Variants in REM1 observed in about 807,000 individuals in gnomAD.
REM1 encodes the protein RRAD and GEM like GTPase 1.
REM1 carries 20 observed loss-of-function variants against 27.0 expected under a neutral mutation model. The ratio of observed to expected loss-of-function variants is 0.74; its 90% CI spans 0.52 to 1.08. REM1 has a LOEUF of 1.08. REM1 is among the 50% of genes least tolerant of loss of function. The pLI is 0.00. For synonymous variants in REM1, 159 were observed against 167.9 expected, an observed-to-expected ratio of 0.95 and a Z score of 0.41; for missense variants, 405 against 407.0, an observed-to-expected ratio of 1.00 and a Z score of 0.04.
At chr20:31,476,930 G>A (rs552317916) in intron 2 of REM1, 145 bp downstream of exon 2, 11 of 682,048 alleles carry the variant, frequency 1.6e-5, no homozygotes, top group South Asian at 1.5e-4. Context: ...TGACATGCAC[G>A]ATGCCCCCCC....
At chr20:31,478,325 C>T (rs1290450923) in intron 3 of REM1, among the ~76,000 whole-genome samples, 1 of 152,088 alleles carries the variant, frequency 6.6e-6, no homozygotes, top group Non-Finnish European at 1.5e-5. Context: ...TCAGTTTTCT[C>T]ATCTGATAAA....
chr20:31,476,658 C>G lies in REM1; in HGVS notation c.213C>G (p.Ser71Arg). The change falls in exon 2 of 5, where the codon AGC becomes AGG. Residue 71 changes from serine to arginine, a missense_variant. Physicochemically the swap from Ser to Arg is moderately radical, Grantham distance 110. Transcript: ENST00000201979. ...PAPDDWSSES[S>R]DSEGSWEALY... ...CAGATGATTGGTCTTCTGAATCCAGCGACTCTGAAGGCTCCTGGGAGGCTC... is the reference window on the plus strand; with the variant it reads ...CAGATGATTGGTCTTCTGAATCCAGGGACTCTGAAGGCTCCTGGGAGGCTC... 6.2e-7 allele frequency: 1 copy of G among 1,614,118 alleles called. No individual in the cohort carries two copies. The highest frequency in any genetic ancestry group is 8.5e-7 in the Non-Finnish European group (1 of 1,180,002).
intron 3 of REM1, among the ~76,000 whole-genome samples, chr20:31,479,153 A>G (rs868608398): frequency 1.3e-5 from 2 of 152,318 alleles, no homozygotes; most frequent in Admixed American, 1.3e-4. Context: ...ATTCTTATGC[A>G]TTAGGACTGC....
Position 31,475,585 on chromosome 20 carries a change from A to AG in REM1, c.-220+220dup, listed in dbSNP as rs1364741424. Among the ~76,000 whole-genome samples the AG allele has an allele frequency of 6.6e-6, 1 of 152,188 alleles. No homozygotes were observed. The highest frequency in any genetic ancestry group is 1.5e-5 in the Non-Finnish European group (1 of 68,030). ...GGATTCACACCCGGGATGCCGGCTG[A>AG]GAAAGCTCGGACCCAGACTCCAGGA... is the stretch of plus-strand genomic sequence containing the variant. On this transcript the variant is annotated intron_variant, in intron 1 of 4. Coordinates refer to ENST00000201979, the MANE Select transcript of REM1 (RefSeq NM_014012.6). The surrounding 1 kb of genome is among the most constrained non-coding windows in gnomAD (Gnocchi z 5.0).
rs1980491173 is a variant in REM1, at chr20:31,476,256, T to C, written c.-190T>C. The C allele has an allele frequency of 1.7e-6, 1 of 572,762 alleles. No individual in the cohort carries two copies. Among genetic ancestry groups the C allele is most frequent in the South Asian group, 2.5e-5 (1 of 40,710 alleles). The allele number at this position is 572,762 out of a possible 1,614,324, so 35.5% of individuals were successfully genotyped here. On this transcript the variant is annotated 5_prime_UTR_variant, in exon 2 of 5. Coordinates refer to ENST00000201979, the MANE Select transcript of REM1 (RefSeq NM_014012.6). ...ATGCAGAGCCTGAGGCCAGAAAACC[T>C]AGGGACTTTCTGCCCCAAGAAGCTG... is the stretch of plus-strand genomic sequence containing the variant.
At chr20:31,481,321 A>G (rs2122478699) in intron 3 of REM1, among the ~76,000 whole-genome samples, 1 of 152,100 alleles carries the variant, frequency 6.6e-6, no homozygotes, top group South Asian at 2.1e-4. Context: ...ACTACCTCAC[A>G]ACCACACACA....
At position 31,484,535 on chromosome 20, in the gene REM1, G is replaced by A. The variant is rs538814345; in HGVS notation, c.*105G>A. 1.9e-4 allele frequency: 248 copies of A among 1,340,532 alleles called. No homozygotes were observed. The highest frequency in any genetic ancestry group is 2.3e-4 in the Admixed American group (7 of 30,698). 83.0% of individuals were successfully genotyped at this position (1,340,532 alleles called of 1,614,324 possible). A position where few individuals can be genotyped will look rare whatever the true frequency, so the allele number is the denominator to read the frequency against. ...CCGTTACCTGGAGTCTGCATCATGG[G>A]TCTTGCTTGCCTGCTGCCCTGATGG... On this transcript the variant is annotated 3_prime_UTR_variant, in exon 5 of 5. Transcript: ENST00000201979.
Position 31,477,889 on chromosome 20 carries a change from C to T in REM1, c.402C>T (p.Asp134=), listed in dbSNP as rs751201426. Residue 134 remains aspartate, a synonymous_variant, in exon 3 of 5, where the codon GAC becomes GAT. Transcript: ENST00000201979. The part of the protein sequence containing the change: ...DGEDTTLVVV[D]TWEAEKLDKS... ...AAGACACCACACTGGTGGTCGTGGACACCTGGGAGGCCGAGAAACTGGTAT... is the reference window on the plus strand; with the variant it reads ...AAGACACCACACTGGTGGTCGTGGATACCTGGGAGGCCGAGAAACTGGTAT... 2.5e-5 allele frequency: 40 copies of T among 1,611,956 alleles called. No homozygotes were observed. Among genetic ancestry groups the T allele is most frequent in the Non-Finnish European group, 3.1e-5 (36 of 1,178,990 alleles).
At position 31,484,160 on chromosome 20, in the gene REM1, G is replaced by C; in HGVS notation, c.627G>C (p.Glu209Asp). ...CCTCGCCGGGCCCCGCCCCCTTAGA[G>C]GGCCGCGCCTGCGCTGTGGTGTTCG... ...LARCREVSVEEGRACAVVFDC... is the reference protein window; with the variant it reads ...LARCREVSVEDGRACAVVFDC... The change falls in exon 5 of 5, where the codon GAG (glutamate) becomes GAC (aspartate). Residue 209 changes from glutamate (E) to aspartate (D), a missense_variant and splice_region_variant. Glu to Asp is a conservative substitution (Grantham distance 45). Transcript: ENST00000201979. 6.3e-7 allele frequency: 1 copy of C among 1,577,626 alleles called. No individual in the cohort carries two copies.
chr20:31,477,775 C>T (rs1249416372), intron 2 of REM1, 53 bp from the exon 3 acceptor site: 2 of 1,382,888 alleles, frequency 1.4e-6, no homozygotes, highest in African/African-American at 1.4e-5. Context: ...GAACACCACA[C>T]TCTCTCAGGC....
rs6059551 is a variant in REM1, at chr20:31,483,546, G to A, written c.626-613G>A. Among the ~76,000 whole-genome samples the A allele has an allele frequency of 2.0e-4, 30 of 152,218 alleles. 1 individual carries two copies. Among genetic ancestry groups the A allele is most frequent in the African/African-American group, 7.0e-4 (29 of 41,542 alleles). On this transcript the variant is annotated intron_variant, in intron 4 of 4. Transcript: ENST00000201979. ...AACCAAAATTTTAAACGTCATATAT[G>A]GCTTGTATTTACAATGGGATGGGGA...
At position 31,482,292 on chromosome 20, in the gene REM1, A is replaced by G. The variant is rs1251555446; in HGVS notation, c.429A>G (p.Lys143=). 6.2e-7 allele frequency: 1 copy of G among 1,614,032 alleles called. No individual in the cohort carries two copies. Among genetic ancestry groups the G allele is most frequent in the Non-Finnish European group, 8.5e-7 (1 of 1,179,978 alleles). Residue 143 remains lysine (K), a synonymous_variant, in exon 4 of 5, where the codon AAA becomes AAG. Transcript: ENST00000201979. ...CTTGGGTCCCTCTCCTGCAGGATAA[A>G]AGCTGGAGCCAGGAGTCATGCCTGC... ...VDTWEAEKLD[K]SWSQESCLQG...
intron 2 of REM1, 58 bp from the exon 3 acceptor site, chr20:31,477,770 C>T (rs1980569600): frequency 7.4e-7 from 1 of 1,346,788 alleles, no homozygotes; most frequent in Non-Finnish European, 1.1e-6. Flanking sequence ...GCAGGGAACA[C>T]CACACTCTCT....
In REM1 at chr20:31,478,516, C is replaced by T. The variant is rs1163375893; in HGVS notation, c.423+606C>T. On this transcript the variant is annotated intron_variant, in intron 3 of 4. Transcript: ENST00000201979. ...AAAGGAAATCAGGGCAGGAAGACAGCAGTAGGCAGGAATATGTCCCTATTA... is the reference window on the plus strand; with the variant it reads ...AAAGGAAATCAGGGCAGGAAGACAGTAGTAGGCAGGAATATGTCCCTATTA... Among the ~76,000 whole-genome samples the T allele has an allele frequency of 2.0e-5, 3 of 152,194 alleles. No individual in the cohort carries two copies. In the East Asian group the frequency reaches 5.8e-4, roughly 29 times the overall value.
chr20:31,482,251 C>T, intron 3 of REM1, 36 bp from the exon 4 acceptor site: 1 of 1,603,448 alleles, frequency 6.2e-7, no homozygotes, highest in Non-Finnish European at 8.5e-7. Context: ...GGCCTAGATA[C>T]CCTCTGAGGA....
intron 2 of REM1, 138 bp from the exon 3 acceptor site, chr20:31,477,690 C>T (rs938064765): frequency 1.6e-6 from 1 of 631,936 alleles, no homozygotes; most frequent in Non-Finnish European, 2.9e-6. Context: ...CCAGGAGAGA[C>T]AGGCATCAAA....
At chr20:31,480,234 GATACATAC>G (rs772278121) in intron 3 of REM1, among the ~76,000 whole-genome samples, 2 of 138,180 alleles carry the variant, frequency 1.4e-5, no homozygotes, top group African/African-American at 2.6e-5. Flanking sequence ...TAGATAGACA[GATACATAC>G]ATACACACAT....
At chr20:31,481,499 C>T (rs1386794478) in intron 3 of REM1, among the ~76,000 whole-genome samples, 1 of 152,066 alleles carries the variant, frequency 6.6e-6, no homozygotes, top group Non-Finnish European at 1.5e-5. Context: ...CTCCTCCAGC[C>T]ACTTACACAT....
chr20:31,478,004 T>C, intron 3 of REM1, 94 bp downstream of exon 3: 2 of 778,258 alleles, frequency 2.6e-6, no homozygotes, highest in South Asian at 1.5e-5. Flanking sequence ...AGATCAGGTG[T>C]GAGCAACGGC....
Sources: gnomAD v4.1 joint callset for allele counts (sites outside exome capture counted in the v4.1 genomes callset) on GRCh38, gnomAD v4.1.1 for gene constraint, Gnocchi (gnomAD v3.1) non-coding constraint, MANE v1.5 for transcripts, NCBI Gene and HGNC (gene_info 2026-07-23, HGNC 2026-07-21) for gene names.